ARHGAP17: variants seen among roughly 807,000 people sequenced by gnomAD.
ARHGAP17 encodes Rho GTPase activating protein 17, also known as rho GTPase-activating protein 17.
Under a neutral mutation model 99.5 loss-of-function variants are expected in ARHGAP17, and 57 were observed. The ratio of observed to expected loss-of-function variants is 0.57; its 90% CI spans 0.46 to 0.71. ARHGAP17 has a LOEUF of 0.71. Ranked by LOEUF, ARHGAP17 falls within the 30% of genes least tolerant of loss-of-function variation. The pLI, the probability that ARHGAP17 is intolerant of heterozygous loss-of-function variation, is 0.00. For missense variants in ARHGAP17, 1,000 were observed against 1,122.4 expected, an observed-to-expected ratio of 0.89 and a Z score of 1.56; for synonymous variants, 417 against 429.6, an observed-to-expected ratio of 0.97 and a Z score of 0.36.
chr16:24,950,836 C>CAAACAAAAAAAA (rs1386246671), intron 12 of ARHGAP17, among the ~76,000 whole-genome samples: 4 of 39,444 alleles, frequency 1.0e-4, no homozygotes, highest in African/African-American at 4.2e-4. Flanking sequence ...GACTCCAACT[C>CAAACAAAAAAAA]AAAAAAAAAA....
chr16:25,003,454 TCTGCCTGCCTCAGCCTCCCAAA>T (rs2053426128), intron 1 of ARHGAP17, among the ~76,000 whole-genome samples: 1 of 152,026 alleles, frequency 6.6e-6, no homozygotes, highest in Non-Finnish European at 1.5e-5. Flanking sequence ...TGGCATCAAA[TCTGCCTGCCTCAGCCTCCCAAA>T]GTGCTGGGAG....
chr16:24,965,817 A>C (rs1236493261), intron 6 of ARHGAP17, among the ~76,000 whole-genome samples: 3 of 152,256 alleles, frequency 2.0e-5, no homozygotes, highest in African/African-American at 7.2e-5. Flanking sequence ...AAGGAGGAAA[A>C]GCGAGAAAAA....
chr16:24,923,485 C>T (rs367823082), intron 19 of ARHGAP17, among the ~76,000 whole-genome samples: 19 of 152,146 alleles, frequency 1.2e-4, no homozygotes, highest in African/African-American at 4.6e-4. Flanking sequence ...ACAAAATAGG[C>T]TGGGCGTGGT....
chr16:24,974,285 G>T (rs1022686361), intron 3 of ARHGAP17, among the ~76,000 whole-genome samples: 3 of 152,202 alleles, frequency 2.0e-5, no homozygotes, highest in Non-Finnish European at 2.9e-5. Context: ...ACAAAAATTA[G>T]CCAGGCTTGG....
intron 6 of ARHGAP17, among the ~76,000 whole-genome samples, chr16:24,965,252 T>C (rs768494613): frequency 1.4e-4 from 21 of 152,114 alleles, no homozygotes; most frequent in Admixed American, 1.2e-3. Flanking sequence ...GGGCGGATCA[T>C]GAGGTCAGGA....
intron 16 of ARHGAP17, 158 bp from the exon 17 acceptor site, chr16:24,939,755 G>T: frequency 1.4e-6 from 1 of 718,330 alleles, no homozygotes; most frequent in Non-Finnish European, 2.4e-6. Flanking sequence ...CCACCCCTGA[G>T]CAACTCCACT....
chr16:24,942,209 A>G (rs1464401243), intron 15 of ARHGAP17, 66 bp from the exon 16 acceptor site: 3 of 1,489,888 alleles, frequency 2.0e-6, no homozygotes, highest in Admixed American at 4.2e-5. Flanking sequence ...GCTCTAAGAC[A>G]CCCCTCATTG....
rs2050679048 is a variant in ARHGAP17 at position 24,920,051 on chromosome 16, G to T, written c.*79C>A. On this transcript the variant is annotated 3_prime_UTR_variant, in exon 20 of 20. Transcript: ENST00000289968. ...TCCACTGAAAGCTTTTCACTGTTCG[G>T]TCTGCAAAGAAAGAGGTTCGCCTGC... 3.2e-6 allele frequency: 5 copies of T among 1,562,364 alleles called. No individual in the cohort carries two copies. The Middle Eastern group carries it at 9.2e-4, about 289-fold the overall frequency.
intron 1 of ARHGAP17, among the ~76,000 whole-genome samples, chr16:24,981,131 G>C (rs1251125830): frequency 6.6e-6 from 1 of 152,214 alleles, no homozygotes; most frequent in Admixed American, 6.5e-5. Flanking sequence ...AACCAACCAT[G>C]TGCATCTTCT....
intron 13 of ARHGAP17, chr16:24,949,148 T>C (rs1405173556): frequency 6.0e-6 from 2 of 332,938 alleles, no homozygotes; most frequent in South Asian, 8.6e-5. Context: ...AAGAAATTTA[T>C]TGCTAATAGC....
At chr16:25,006,259 G>A (rs1297104112) in intron 1 of ARHGAP17, among the ~76,000 whole-genome samples, 7 of 151,186 alleles carry the variant, frequency 4.6e-5, no homozygotes, top group Non-Finnish European at 1.0e-4. Flanking sequence ...TGGCCAACAT[G>A]GTGAAACTCT....
chr16:24,948,247 T>C (rs2141217896), intron 13 of ARHGAP17, among the ~76,000 whole-genome samples: 1 of 152,316 alleles, frequency 6.6e-6, no homozygotes, highest in East Asian at 1.9e-4. Flanking sequence ...GTATACAATA[T>C]ACACTACCAT....
intron 9 of ARHGAP17, chr16:24,956,411 A>T (rs2051809577): frequency 6.6e-6 from 1 of 152,240 alleles, no homozygotes; most frequent in African/African-American, 2.4e-5. Flanking sequence ...GTACTGCAGG[A>T]GGCATGTAAA....
intron 6 of ARHGAP17, among the ~76,000 whole-genome samples, chr16:24,964,511 G>A (rs536661937): frequency 1.6e-4 from 25 of 152,264 alleles, no homozygotes; most frequent in African/African-American, 6.0e-4. Context: ...CACCATGACA[G>A]GACTCTCATA....
rs569158843 is a variant in ARHGAP17 at position 24,943,214 on chromosome 16, C to G, written c.1333+557G>C. Among the ~76,000 whole-genome samples, 10 of 152,366 alleles carry G rather than the reference C, an allele frequency of 6.6e-5. No homozygotes were observed. In the East Asian group the frequency reaches 1.7e-3, roughly 26 times the overall value. On this transcript the variant is annotated intron_variant, in intron 15 of 19. Transcript: ENST00000289968. ...AGGATGAAATACTAATTCCCTGACA[C>G]AGCCAACTCAGGCCTTCACCAGCTG...
intron 1 of ARHGAP17, among the ~76,000 whole-genome samples, chr16:24,982,996 A>ATATATTT (rs1315859010): frequency 6.4e-5 from 3 of 46,976 alleles, no homozygotes; most frequent in African/African-American, 2.6e-4. Flanking sequence ...ATATATATAT[A>ATATATTT]TTTTTTTTTT....
intron 6 of ARHGAP17, among the ~76,000 whole-genome samples, chr16:24,967,857 C>T (rs765861864): frequency 1.9e-4 from 29 of 152,088 alleles, no homozygotes; most frequent in Non-Finnish European, 3.1e-4. Context: ...GGCAGCAGTC[C>T]TGCTCTGAAT....
At chr16:24,976,632 G>C (rs1040847776) in intron 3 of ARHGAP17, among the ~76,000 whole-genome samples, 4 of 151,928 alleles carry the variant, frequency 2.6e-5, no homozygotes, top group Admixed American at 6.6e-5. Flanking sequence ...GAGAGGGGAG[G>C]GGAGGGGAAC....
At chr16:24,992,111 C>A (rs893605843) in intron 1 of ARHGAP17, among the ~76,000 whole-genome samples, 1 of 152,062 alleles carries the variant, frequency 6.6e-6, no homozygotes, top group South Asian at 2.1e-4. Context: ...GATGTGGCTG[C>A]AGAGAAAGGC....
Sources: allele counts gnomAD v4.1 joint callset (sites outside exome capture counted in the v4.1 genomes callset), GRCh38; gene constraint gnomAD v4.1.1; transcripts MANE v1.5; gene names NCBI Gene and HGNC (gene_info 2026-07-23, HGNC 2026-07-21).